The following OTOGL variants were observed in gnomAD, a reference collection of about 807,000 sequenced individuals.
OTOGL encodes otogelin-like protein.
Under a neutral mutation model 318.5 loss-of-function variants are expected in OTOGL, and 285 were observed. The observed-to-expected ratio is 0.89, with a 90% CI of 0.81 to 0.99. The LOEUF is 0.99. Among genes scored for constraint, OTOGL ranks in the 50% least tolerant of loss-of-function variants. The pLI is 0.00. For missense variants in OTOGL, 2,899 were observed against 2,845.6 expected (o/e 1.02, Z -0.43); for synonymous variants, 987 against 936.5 (o/e 1.05, Z -0.99).
chr12:80,136,051 G>C (rs978828260), intron 1 of OTOGL, among the ~76,000 whole-genome samples: 2 of 152,184 alleles, frequency 1.3e-5, no homozygotes, highest in African/African-American at 4.8e-5. Flanking sequence ...CTTCATGTCT[G>C]TCTATAGCTG....
At chr12:80,209,729 C>T (rs1877098126) in intron 2 of OTOGL, among the ~76,000 whole-genome samples, 1 of 152,062 alleles carries the variant, frequency 6.6e-6, no homozygotes, top group African/African-American at 2.4e-5. Flanking sequence ...AGTTAAAAAT[C>T]ATGCTTTTAT....
chr12:80,328,762 T>G lies in OTOGL; in HGVS notation c.4279+18T>G. The stretch of plus-strand genomic sequence containing the variant: ...ACGAGACTGTAAGTGTGAACGTTGC[T>G]TAATTTACTCTGAAAAATTATACGC... On this transcript the variant is annotated intron_variant, in intron 36 of 58. Coordinates refer to ENST00000547103, the MANE Select transcript of OTOGL (RefSeq NM_001378609.3). 6.4e-7 allele frequency: 1 copy of G among 1,563,852 alleles called. No individual in the cohort carries two copies. Among genetic ancestry groups the G allele is most frequent in the Non-Finnish European group, 8.8e-7 (1 of 1,137,446 alleles).
In OTOGL at chr12:80,246,227, C is replaced by T. The variant is rs534072150; in HGVS notation, c.1053-5466C>T. 6.5e-4 allele frequency among the ~76,000 whole-genome samples: 97 copies of T among 149,520 alleles called. 11 individuals are homozygous for T. Among genetic ancestry groups the T allele is most frequent in the African/African-American group, 2.4e-3 (95 of 38,844 alleles). Reference sequence around the variant, plus strand: ...GAATAGGAGCGGTGAGAGAGAGCATCCCTGTCTTGTGCCGGTTTTCAAAGG... The same window carrying T: ...GAATAGGAGCGGTGAGAGAGAGCATTCCTGTCTTGTGCCGGTTTTCAAAGG... On this transcript the variant is annotated intron_variant, in intron 11 of 58. Coordinates refer to ENST00000547103, the MANE Select transcript of OTOGL (RefSeq NM_001378609.3).
At chr12:80,358,650 C>A in intron 50 of OTOGL, 21 bp from the exon 51 acceptor site, 1 of 1,539,316 alleles carries the variant, frequency 6.5e-7, no homozygotes, top group Non-Finnish European at 9.0e-7. Flanking sequence ...TCATCTTTAC[C>A]CATGTAATTT....
At chr12:80,121,768 A>G (rs1402438965) in intron 1 of OTOGL, among the ~76,000 whole-genome samples, 1 of 152,200 alleles carries the variant, frequency 6.6e-6, no homozygotes, top group Non-Finnish European at 1.5e-5. Flanking sequence ...ATTTAAACCC[A>G]TAGTGGGAGG....
Position 80,296,922 on chromosome 12 carries a change from G to T in OTOGL, c.3024G>T (p.Gly1008=). The T allele has an allele frequency of 6.4e-7, 1 of 1,550,720 alleles. No individual in the cohort carries two copies. The highest frequency in any genetic ancestry group is 2.3e-5 in the East Asian group (1 of 43,622). ...CTAAAAGTGTTTTGATTTCAGTTGG[G>T]GACACTGAAATTTACCTGAATGATA... The part of the protein sequence containing the change: ...VCSKSVLISV[G]DTEIYLNDTP... Residue 1008 remains glycine, a synonymous_variant, in exon 27 of 59, where the codon GGG becomes GGT. Coordinates refer to ENST00000547103, the MANE Select transcript of OTOGL (RefSeq NM_001378609.3).
At chr12:80,366,539 CTAAATGA>C in intron 52 of OTOGL, 28 bp from the exon 53 acceptor site, 1 of 214,984 alleles carries the variant, frequency 4.7e-6, no homozygotes, top group Non-Finnish European at 6.9e-6. Context: ...ATAAAATAAG[CTAAATGA>C]TAAGTAATAG....
intron 27 of OTOGL, among the ~76,000 whole-genome samples, chr12:80,300,307 C>T (rs1231767201): frequency 2.6e-5 from 4 of 151,654 alleles, no homozygotes. Context: ...TTCCTTGCCT[C>T]ATAACTCCAA....
chr12:80,218,006 T>G (rs1320915184), intron 5 of OTOGL, among the ~76,000 whole-genome samples: 2 of 152,236 alleles, frequency 1.3e-5, no homozygotes, highest in African/African-American at 4.8e-5. Flanking sequence ...GATGGTAGTT[T>G]GAAATTTAAT....
chr12:80,205,019 G>A (rs900420211), intron 1 of OTOGL, among the ~76,000 whole-genome samples: 1 of 152,012 alleles, frequency 6.6e-6, no homozygotes, highest in Non-Finnish European at 1.5e-5. Context: ...CTAAGTGAGA[G>A]AAACGAACAA....
chr12:80,261,116 T>C (rs1434103478), intron 18 of OTOGL, among the ~76,000 whole-genome samples: 1 of 152,036 alleles, frequency 6.6e-6, no homozygotes, highest in African/African-American at 2.4e-5. Context: ...CCAGTGAAAA[T>C]AGTTAATCTA....
At chr12:80,350,031 A>C (rs141387669) in intron 44 of OTOGL, among the ~76,000 whole-genome samples, 1 of 152,190 alleles carries the variant, frequency 6.6e-6, no homozygotes, top group Non-Finnish European at 1.5e-5. Context: ...CTGCCCATCA[A>C]ACTGAAATTC....
Position 80,272,688 on chromosome 12 carries a change from G to A in OTOGL, c.2681+878G>A, listed in dbSNP as rs146284049. Reference sequence around the variant, plus strand: ...TCAGCTCATATAAACCAGGGGCAAAGAAGAGCGAGGTCTTGTGGTTTGTTT... The same window carrying A: ...TCAGCTCATATAAACCAGGGGCAAAAAAGAGCGAGGTCTTGTGGTTTGTTT... On this transcript the variant is annotated intron_variant, in intron 24 of 58. Transcript: ENST00000547103. Among the ~76,000 whole-genome samples, 259 of 152,180 alleles carry A rather than the reference G, an allele frequency of 1.7e-3. 1 individual carries two copies. Among genetic ancestry groups the A allele is most frequent in the African/African-American group, 6.2e-3 (256 of 41,540 alleles).
rs577536915 is a variant in OTOGL, at chr12:80,264,489, G to A, written c.2015-512G>A. The stretch of plus-strand genomic sequence containing the variant: ...ATATCTGCCAGACATTGTACACTGT[G>A]CATTGTGCAGACATTGAGTTCAACA... On this transcript the variant is annotated intron_variant, in intron 19 of 58. Coordinates refer to ENST00000547103, the MANE Select transcript of OTOGL (RefSeq NM_001378609.3). Among the ~76,000 whole-genome samples, 6 of 152,268 alleles carry A rather than the reference G, an allele frequency of 3.9e-5. 1 individual carries two copies. Among genetic ancestry groups the A allele is most frequent in the African/African-American group, 1.2e-4 (5 of 41,554 alleles).
chr12:80,352,462 T>G, intron 45 of OTOGL, 26 bp downstream of exon 45: 4 of 1,501,014 alleles, frequency 2.7e-6, no homozygotes, highest in Non-Finnish European at 2.7e-6. Flanking sequence ...CTGAATATTT[T>G]TCCATCATAA....
At chr12:80,236,051 G>T (rs936113491) in intron 9 of OTOGL, among the ~76,000 whole-genome samples, 1 of 152,148 alleles carries the variant, frequency 6.6e-6, no homozygotes, top group Admixed American at 6.5e-5. Flanking sequence ...TTGAATGCCA[G>T]TGAATGCATA....
chr12:80,130,515 A>G (rs1202598024), intron 1 of OTOGL, among the ~76,000 whole-genome samples: 2 of 152,202 alleles, frequency 1.3e-5, no homozygotes, highest in Non-Finnish European at 2.9e-5. Context: ...AGAACAGACA[A>G]GGGAAGATGT....
intron 26 of OTOGL, among the ~76,000 whole-genome samples, chr12:80,295,021 G>A (rs185937010): frequency 1.4e-3 from 213 of 152,138 alleles, no homozygotes; most frequent in African/African-American, 4.6e-3. Context: ...GTTTGAGCCT[G>A]GAAAGTTGAG....
In OTOGL at chr12:80,377,864, G is replaced by C; in HGVS notation, c.6878G>C (p.Cys2293Ser). 6 of 1,609,200 alleles carry C rather than the reference G, an allele frequency of 3.7e-6. No individual in the cohort carries two copies. The highest frequency in any genetic ancestry group is 5.1e-6 in the Non-Finnish European group (6 of 1,176,640). ...MSQSPINVAS[C>S]DGKCPSATIY... Reference sequence around the variant, plus strand: ...TTCTTACAGATAAATGTTGCATCTTGTGACGGCAAATGCCCATCAGCTACC... The same window carrying C: ...TTCTTACAGATAAATGTTGCATCTTCTGACGGCAAATGCCCATCAGCTACC... Residue 2293 changes from cysteine to serine, a missense_variant, in exon 59 of 59, where the codon TGT becomes TCT. This residue lies in a region of OTOGL where 289 missense variants were observed against 304.6 expected (regional missense o/e 0.95). Transcript: ENST00000547103.
Sources: gnomAD v4.1 joint callset for allele counts (sites outside exome capture counted in the v4.1 genomes callset) on GRCh38, gnomAD v4.1.1 for gene constraint, gnomAD v4.1.1 regional missense constraint, MANE v1.5 for transcripts, NCBI Gene and HGNC (gene_info 2026-07-23, HGNC 2026-07-21) for gene names.